The following APOOL variants were observed in gnomAD, a reference collection of about 807,000 sequenced individuals.
APOOL encodes the protein MICOS complex subunit MIC27.
In APOOL, 12 loss-of-function variants were observed where a neutral mutation model predicts 23.1. That is an observed-to-expected ratio of 0.52 (90% CI 0.33 to 0.84). The LOEUF is 0.84. Ranked by LOEUF, APOOL falls within the 40% of genes least tolerant of loss-of-function variation. The pLI is 0.02. For synonymous variants in APOOL, 77 were observed against 69.9 expected (o/e 1.10, Z -0.51); for missense variants, 212 against 199.6 (o/e 1.06, Z -0.37).
At chrX:85,068,230 G>A (rs975653175) in intron 6 of APOOL, among the ~76,000 whole-genome samples, 30 of 110,344 alleles carry the variant, frequency 2.7e-4, no homozygotes, top group Non-Finnish European at 4.4e-4. Flanking sequence ...AAACTGTTAA[G>A]CTCATTTAAT....
At chrX:85,071,184 G>A (rs753014278) in intron 6 of APOOL, among the ~76,000 whole-genome samples, 7 of 110,689 alleles carry the variant, frequency 6.3e-5, no homozygotes, top group Admixed American at 2.0e-4. Context: ...GAAATACGGC[G>A]AGTATTTCAA....
At chrX:85,023,255 A>G (rs1762079580) in intron 1 of APOOL, among the ~76,000 whole-genome samples, 1 of 112,004 alleles carries the variant, frequency 8.9e-6, no homozygotes, top group African/African-American at 3.2e-5. Flanking sequence ...CCAGCATACA[A>G]AATCAGTGTT....
At chrX:85,051,175 A>G (rs1044837315) in intron 2 of APOOL, among the ~76,000 whole-genome samples, 4 of 111,481 alleles carry the variant, frequency 3.6e-5, no homozygotes, top group Non-Finnish European at 7.5e-5. Context: ...GGATTATATT[A>G]TATTTGGCAT....
Position 85,087,763 on chromosome X carries a change from A to T in APOOL, c.*85A>T. The T allele has an allele frequency of 1.2e-6, 1 of 824,009 alleles. No individual in the cohort carries two copies. Among genetic ancestry groups the T allele is most frequent in the South Asian group, 2.9e-5 (1 of 35,000 alleles). The allele number at this position is 824,009 out of a possible 1,213,427, so 67.9% of individuals were successfully genotyped here. A position where few individuals can be genotyped will look rare whatever the true frequency, so the allele number is the denominator to read the frequency against. The stretch of plus-strand genomic sequence containing the variant: ...GATGAAAATAAATCATGTAATGGGT[A>T]ACTGATACATAGAGTATTACCTAAA... On this transcript the variant is annotated 3_prime_UTR_variant, in exon 9 of 9. Coordinates refer to ENST00000373173, the MANE Select transcript of APOOL (RefSeq NM_198450.6).
Position 85,030,502 on chromosome X carries a change from G to C in APOOL, c.16-15944G>C, listed in dbSNP as rs1922002109. Among the ~76,000 whole-genome samples, 4 of 111,520 alleles carry C rather than the reference G, an allele frequency of 3.6e-5. No individual in the cohort carries two copies. The Admixed American group carries it at 3.8e-4, about 11-fold the overall frequency. ...AACCACTTGTACCCCAAAAGCTATT[G>C]AATTAAAAATAAATAAGTAGATAAA... is the stretch of plus-strand genomic sequence containing the variant. On this transcript the variant is annotated intron_variant, in intron 1 of 8. Coordinates refer to ENST00000373173, the MANE Select transcript of APOOL (RefSeq NM_198450.6).
At chrX:85,007,468 G>A (rs1921118469) in intron 1 of APOOL, among the ~76,000 whole-genome samples, 1 of 111,716 alleles carries the variant, frequency 9.0e-6, no homozygotes, top group Non-Finnish European at 1.9e-5. Context: ...TTCAAAAAGA[G>A]TAGGAGAGTT....
At chrX:85,030,556 C>A (rs771554551) in intron 1 of APOOL, among the ~76,000 whole-genome samples, 124 of 111,082 alleles carry the variant, frequency 1.1e-3, no homozygotes, top group African/African-American at 4.1e-3. Context: ...GTGTATACAC[C>A]ACGGAATACT....
chrX:85,084,250 C>G (rs1486658266), intron 8 of APOOL, among the ~76,000 whole-genome samples: 1 of 105,501 alleles, frequency 9.5e-6, no homozygotes, highest in African/African-American at 3.5e-5. Context: ...ATTCTCCTGT[C>G]TCAGCCTCCC....
chrX:85,061,669 A>G (rs1258200282), intron 5 of APOOL, among the ~76,000 whole-genome samples: 1 of 111,672 alleles, frequency 9.0e-6, no homozygotes, highest in Non-Finnish European at 1.9e-5. Context: ...TTATTTGCAT[A>G]GAGGTGTTTA....
Position 85,092,721 on chromosome X carries a change from G to C in APOOL, c.*5043G>C. The C allele has an allele frequency of 2.1e-6, 1 of 478,485 alleles. No individual in the cohort carries two copies. Among genetic ancestry groups the C allele is most frequent in the Non-Finnish European group, 3.3e-6 (1 of 305,830 alleles). The allele number at this position is 478,485 out of a possible 1,213,427, so 39.4% of individuals were successfully genotyped here. A position where few individuals can be genotyped will look rare whatever the true frequency, so the allele number is the denominator to read the frequency against. Reference sequence around the variant, plus strand: ...TTGAACTTTTCTATAGCTGTAAAAAGAAAAAAGTCTCACTGTTCTGAGCTT... The same window carrying C: ...TTGAACTTTTCTATAGCTGTAAAAACAAAAAAGTCTCACTGTTCTGAGCTT... On this transcript the variant is annotated 3_prime_UTR_variant, in exon 9 of 9. Coordinates refer to ENST00000373173, the MANE Select transcript of APOOL (RefSeq NM_198450.6).
At chrX:85,087,454 G>A (rs148575550) in intron 8 of APOOL, 136 bp from the exon 9 acceptor site, 4 of 469,379 alleles carry the variant, frequency 8.5e-6, no homozygotes, top group Middle Eastern at 6.1e-4. Context: ...TAATTAGTTT[G>A]TCTGTCTCAC....
Position 85,074,403 on chromosome X carries a change from A to G in APOOL, c.718+12A>G. The stretch of plus-strand genomic sequence containing the variant: ...AGAATCCACTTCAGGTTTGTTGGGT[A>G]TAAGTCAATTTTGTTTTCATTCTTT... On this transcript the variant is annotated intron_variant, in intron 8 of 8. Transcript: ENST00000373173. 1 of 1,207,596 alleles carries G rather than the reference A, an allele frequency of 8.3e-7. No individual in the cohort carries two copies. The highest frequency in any genetic ancestry group is 1.1e-6 in the Non-Finnish European group (1 of 893,261).
At chrX:85,035,963 T>C (rs1383228053) in intron 1 of APOOL, among the ~76,000 whole-genome samples, 1 of 112,438 alleles carries the variant, frequency 8.9e-6, no homozygotes, top group East Asian at 2.8e-4. Context: ...CTATTTGGGC[T>C]TGTTTTTGAT....
At chrX:85,035,391 C>T (rs1273363360) in intron 1 of APOOL, among the ~76,000 whole-genome samples, 31 of 108,252 alleles carry the variant, frequency 2.9e-4, no homozygotes, top group African/African-American at 9.4e-4. Flanking sequence ...GTGAATATTT[C>T]CTCATATTCA....
intron 1 of APOOL, among the ~76,000 whole-genome samples, chrX:85,036,909 C>T (rs1329766221): frequency 1.8e-5 from 2 of 110,596 alleles, no homozygotes; most frequent in Non-Finnish European, 1.9e-5. Context: ...CTTGCATCCT[C>T]ATGTATTAGC....
chrX:85,087,680 G>A lies in APOOL; in HGVS notation c.*2G>A. 1 of 1,173,368 alleles carries A rather than the reference G, an allele frequency of 8.5e-7. No individual in the cohort carries two copies. Among genetic ancestry groups the A allele is most frequent in the South Asian group, 2.0e-5 (1 of 50,811 alleles). On this transcript the variant is annotated 3_prime_UTR_variant, in exon 9 of 9. Coordinates refer to ENST00000373173, the MANE Select transcript of APOOL (RefSeq NM_198450.6). Reference sequence around the variant, plus strand: ...GATATGTACAGCACTAGAAGCTGAAGTAGACTGCATGCAGAGACTACACAG... The same window carrying A: ...GATATGTACAGCACTAGAAGCTGAAATAGACTGCATGCAGAGACTACACAG...
At chrX:85,070,270 A>G (rs889190078) in intron 6 of APOOL, among the ~76,000 whole-genome samples, 1 of 111,924 alleles carries the variant, frequency 8.9e-6, no homozygotes, top group Non-Finnish European at 1.9e-5. Context: ...TCTCCAAGGT[A>G]TCTGTGATAT....
At chrX:85,085,364 A>G (rs933575752) in intron 8 of APOOL, among the ~76,000 whole-genome samples, 2 of 111,641 alleles carry the variant, frequency 1.8e-5, no homozygotes, top group African/African-American at 6.5e-5. Flanking sequence ...AAGTTAATAG[A>G]TCACATGAGT....
At chrX:85,030,537 T>C (rs778980763) in intron 1 of APOOL, among the ~76,000 whole-genome samples, 3 of 111,433 alleles carry the variant, frequency 2.7e-5, no homozygotes, top group Admixed American at 9.5e-5. Context: ...ATAAATACAA[T>C]GTAGTGTTGT....
Sources: gnomAD v4.1 joint callset for allele counts (sites outside exome capture counted in the v4.1 genomes callset) on GRCh38, gnomAD v4.1.1 for gene constraint, MANE v1.5 for transcripts, NCBI Gene and HGNC (gene_info 2026-07-23, HGNC 2026-07-21) for gene names.